PCDHA11: variants seen among roughly 807,000 people sequenced by gnomAD.
PCDHA11 encodes the protein protocadherin alpha 11, also known as protocadherin alpha-11.
In PCDHA11, 61 loss-of-function variants were observed where a neutral mutation model predicts 70.3. That is an observed-to-expected ratio of 0.87 (90% CI 0.71 to 1.07). PCDHA11 has a LOEUF of 1.07. Among genes scored for constraint, PCDHA11 ranks in the 50% least tolerant of loss-of-function variants. The pLI is 0.00. For missense variants in PCDHA11, 1,324 were observed against 1,237.5 expected, an observed-to-expected ratio of 1.07 and a Z score of -1.05; for synonymous variants, 633 against 555.1, an observed-to-expected ratio of 1.14 and a Z score of -1.97.
chr5:140,870,763 G>T lies in PCDHA11; in HGVS notation c.1660G>T (p.Val554Leu), dbSNP rs1386684596. Residue 554 changes from valine (V) to leucine (L), a missense_variant, in exon 1 of 4, where the codon GTG (valine) becomes TTG (leucine). Physicochemically the swap from Val to Leu is conservative, Grantham distance 32. Transcript: ENST00000398640. ...LSSNVTLQVF[V>L]LDENDNAPAL... ...CAGCAACGTGACGCTGCAGGTGTTC[G>T]TGCTGGACGAGAACGACAACGCGCC... is the stretch of plus-strand genomic sequence containing the variant. 6.2e-7 allele frequency: 1 copy of T among 1,613,434 alleles called. No homozygotes were observed. Among genetic ancestry groups the T allele is most frequent in the African/African-American group, 1.3e-5 (1 of 74,932 alleles).
chr5:140,984,644 C>T (rs969349039), intron 3 of PCDHA11, among the ~76,000 whole-genome samples: 20 of 152,136 alleles, frequency 1.3e-4, no homozygotes, highest in African/African-American at 4.3e-4. Context: ...CTGCCTTCTC[C>T]CTGTCCTTCT....
Position 141,011,124 on chromosome 5 carries a change from G to A in PCDHA11, c.*1187G>A, listed in dbSNP as rs893951024. ...TCTCTCTTTTCTAAGAAACAATTAT[G>A]TGCACTTTGATACACAACCTTCTCT... On this transcript the variant is annotated 3_prime_UTR_variant, in exon 4 of 4. Transcript: ENST00000398640. 1 of 153,618 alleles carries A rather than the reference G, an allele frequency of 6.5e-6. No individual in the cohort carries two copies. The highest frequency in any genetic ancestry group is 2.4e-5 in the African/African-American group (1 of 41,382). 9.5% of individuals were successfully genotyped at this position (153,618 alleles called of 1,614,324 possible).
intron 1 of PCDHA11, among the ~76,000 whole-genome samples, chr5:140,900,463 C>T (rs1319110335): frequency 6.6e-6 from 1 of 152,130 alleles, no homozygotes; most frequent in African/African-American, 2.4e-5. Flanking sequence ...TTTTAGTAGA[C>T]ACGGAGTTTC....
chr5:140,887,074 G>T (rs1554182860), intron 1 of PCDHA11, among the ~76,000 whole-genome samples: 2 of 151,506 alleles, frequency 1.3e-5, no homozygotes, highest in Non-Finnish European at 2.9e-5. Flanking sequence ...AATTCACTCA[G>T]CTTTTGTCTG....
Position 140,877,703 on chromosome 5 carries a change from C to T in PCDHA11, c.2391+6209C>T, listed in dbSNP as rs781946062. On this transcript the variant is annotated intron_variant, in intron 1 of 3. Coordinates refer to ENST00000398640, the MANE Select transcript of PCDHA11 (RefSeq NM_018902.5). ...AAGCCCACGCTGGTGTGCTCCAGCG[C>T]CGTGGGGAGTTGGTCTTACTCGCAG... 4 of 1,613,986 alleles carry T rather than the reference C, an allele frequency of 2.5e-6. No individual in the cohort carries two copies. In the East Asian group the frequency reaches 8.9e-5, roughly 36 times the overall value.
intron 1 of PCDHA11, 22 bp from the exon 2 acceptor site, chr5:140,978,924 GAAA>G (rs781894146): frequency 6.2e-7 from 1 of 1,614,012 alleles, no homozygotes; most frequent in East Asian, 2.2e-5. Flanking sequence ...CATTTTAACA[GAAA>G]ACTCTCTTTG....
rs782789227 is a variant in PCDHA11 at position 140,869,316 on chromosome 5, T to C, written c.213T>C (p.His71=). The part of the protein sequence containing the change: ...QRLFRVASKT[H]GDLLEVNLQN... The stretch of plus-strand genomic sequence containing the variant: ...TGTTCCGGGTGGCGTCCAAAACACA[T>C]GGGGACCTTCTGGAGGTAAATCTGC... The change falls in exon 1 of 4, where the codon CAT becomes CAC. Residue 71 remains histidine, a synonymous_variant. Transcript: ENST00000398640. 22 of 1,613,628 alleles carry C rather than the reference T, an allele frequency of 1.4e-5. No homozygotes were observed. Among genetic ancestry groups the C allele is most frequent in the South Asian group, 4.4e-5 (4 of 91,056 alleles).
chr5:141,007,494 G>A (rs538537497), intron 3 of PCDHA11, among the ~76,000 whole-genome samples: 20 of 152,150 alleles, frequency 1.3e-4, no homozygotes, highest in African/African-American at 4.8e-4. Flanking sequence ...CTTGGACCTA[G>A]GAGGCAGAGA....
rs2098416866 is a variant in PCDHA11, at chr5:141,010,297, G to C, written c.*360G>C. 3 of 1,549,050 alleles carry C rather than the reference G, an allele frequency of 1.9e-6. No individual in the cohort carries two copies. The South Asian group carries it at 3.6e-5, about 19-fold the overall frequency. On this transcript the variant is annotated 3_prime_UTR_variant, in exon 4 of 4. Transcript: ENST00000398640. ...TGTCTTGATGACACTTGCAGGGCAGGCTGAAAAGTTTTGAGATTGAGCAGC... is the reference window on the plus strand; with the variant it reads ...TGTCTTGATGACACTTGCAGGGCAGCCTGAAAAGTTTTGAGATTGAGCAGC...
intron 1 of PCDHA11, among the ~76,000 whole-genome samples, chr5:140,878,864 A>G (rs1465235970): frequency 1.3e-5 from 2 of 152,152 alleles, no homozygotes; most frequent in Non-Finnish European, 2.9e-5. Flanking sequence ...CTGATCCTCC[A>G]TTTCAGCCTT....
At chr5:140,926,819 C>G in intron 1 of PCDHA11, 1 of 1,493,950 alleles carries the variant, frequency 6.7e-7, no homozygotes, top group Non-Finnish European at 8.9e-7. Context: ...CTCGTGCTCT[C>G]CAGGAGTCCG....
chr5:140,988,021 T>C (rs2097278466), intron 3 of PCDHA11, among the ~76,000 whole-genome samples: 1 of 152,216 alleles, frequency 6.6e-6, no homozygotes. Context: ...AGCATGATTC[T>C]TAAGTTTTTT....
intron 1 of PCDHA11, chr5:140,877,239 C>T (rs2056959197): frequency 1.9e-6 from 3 of 1,613,668 alleles, no homozygotes; most frequent in Middle Eastern, 1.7e-4. Context: ...GTGCGGGCCA[C>T]GTGGTGGCGA....
rs199990641 is a variant in PCDHA11, at chr5:140,966,961, G to C, written c.2392-11988G>C. On this transcript the variant is annotated intron_variant, in intron 1 of 3. Coordinates refer to ENST00000398640, the MANE Select transcript of PCDHA11 (RefSeq NM_018902.5). ...TCGTGGGCAACGTGGCTCGCGCGCT[G>C]GGGCTTGAGCTGCGGCGCTTGGGGC... The C allele has an allele frequency of 8.7e-6, 14 of 1,603,190 alleles. No individual in the cohort carries two copies. The East Asian group carries it at 2.7e-4, about 31-fold the overall frequency.
Position 140,869,778 on chromosome 5 carries a change from C to A in PCDHA11, c.675C>A (p.Thr225=), listed in dbSNP as rs782226363. ...TDGGKPELTG[T]VRLLVQVLDV... ...GGGGAAAACCAGAGCTTACTGGCACCGTTCGGCTGTTAGTCCAAGTCTTGG... is the reference window on the plus strand; with the variant it reads ...GGGGAAAACCAGAGCTTACTGGCACAGTTCGGCTGTTAGTCCAAGTCTTGG... Residue 225 remains threonine, a synonymous_variant, in exon 1 of 4, where the codon ACC becomes ACA. Transcript: ENST00000398640. The A allele has an allele frequency of 6.2e-7, 1 of 1,612,922 alleles. No homozygotes were observed. Among genetic ancestry groups the A allele is most frequent in the Non-Finnish European group, 8.5e-7 (1 of 1,179,578 alleles).
Position 140,910,294 on chromosome 5 carries a change from A to C in PCDHA11, c.2391+38800A>C, listed in dbSNP as rs146332329. Among the ~76,000 whole-genome samples, 1,310 of 151,558 alleles carry C rather than the reference A, an allele frequency of 8.6e-3. 14 individuals carry two copies. The highest frequency in any genetic ancestry group is 0.03 in the African/African-American group (1,252 of 41,252). ...TCTAGGAACACCATGATTAATCAAC[A>C]GATGCCAGAGATCTACATGAGTCAG... On this transcript the variant is annotated intron_variant, in intron 1 of 3. Transcript: ENST00000398640.
chr5:141,000,361 G>GTCTC (rs148596731), intron 3 of PCDHA11, among the ~76,000 whole-genome samples: 446 of 26,454 alleles, frequency 0.017, 11 homozygotes, highest in Non-Finnish European at 0.022. Flanking sequence ...GTCTCTCTCT[G>GTCTC]TCTCTCTCTC....
At chr5:140,883,974 G>A (rs782820820) in intron 1 of PCDHA11, 6 of 1,612,844 alleles carry the variant, frequency 3.7e-6, no homozygotes, top group African/African-American at 2.7e-5. Flanking sequence ...CTGACGCCCG[G>A]GGCTGGCAGC....
chr5:141,001,360 A>G (rs1432580617), intron 3 of PCDHA11, among the ~76,000 whole-genome samples: 2 of 152,212 alleles, frequency 1.3e-5, no homozygotes, highest in Non-Finnish European at 2.9e-5. Flanking sequence ...GTTTAAGCCT[A>G]CTATTCTGAT....
Sources: allele counts gnomAD v4.1 joint callset (sites outside exome capture counted in the v4.1 genomes callset), GRCh38; gene constraint gnomAD v4.1.1; transcripts MANE v1.5; gene names NCBI Gene and HGNC (gene_info 2026-07-23, HGNC 2026-07-21).